Variants in COL22A1 observed in about 807,000 individuals in gnomAD.
COL22A1 encodes the protein collagen type XXII alpha 1 chain, also known as collagen alpha-1(XXII) chain.
COL22A1 carries 221 observed loss-of-function variants against 248.9 expected under a neutral mutation model. The observed-to-expected ratio is 0.89, with a 90% CI of 0.80 to 0.99. The LOEUF (loss-of-function observed/expected upper bound fraction) is 0.99, where lower values mean the gene tolerates loss of function less well. COL22A1 is among the 50% of genes least tolerant of loss of function. COL22A1 has a pLI of 0.00. For missense variants in COL22A1, 2,240 were observed against 2,179.0 expected (o/e 1.03, Z -0.56); for synonymous variants, 891 against 793.4 (o/e 1.12, Z -2.07).
At chr8:138,691,843 GGT>G (rs1229671590) in intron 35 of COL22A1, among the ~76,000 whole-genome samples, 2 of 63,816 alleles carry the variant, frequency 3.1e-5, no homozygotes, top group South Asian at 5.8e-4. Context: ...TGTATGTGGA[GGT>G]GTGTGTGCAC....
At chr8:138,648,714 T>G (rs1822423096) in intron 46 of COL22A1, among the ~76,000 whole-genome samples, 2 of 152,062 alleles carry the variant, frequency 1.3e-5, no homozygotes, top group Admixed American at 6.6e-5. Context: ...TCTCCCCAAG[T>G]TGCAACACTA....
intron 41 of COL22A1, among the ~76,000 whole-genome samples, chr8:138,674,181 C>T (rs936036763): frequency 5.9e-5 from 9 of 152,148 alleles, no homozygotes; most frequent in South Asian, 2.1e-4. Context: ...CCTTAACCAA[C>T]GGATAAAACC....
At chr8:138,708,313 G>T (rs956729268) in intron 30 of COL22A1, among the ~76,000 whole-genome samples, 1 of 152,142 alleles carries the variant, frequency 6.6e-6, no homozygotes, top group Non-Finnish European at 1.5e-5. Flanking sequence ...AACCAAAAAA[G>T]AGCCCACTTT....
chr8:138,784,712 A>T (rs987225822), intron 12 of COL22A1, among the ~76,000 whole-genome samples: 1 of 152,206 alleles, frequency 6.6e-6, no homozygotes, highest in African/African-American at 2.4e-5. Flanking sequence ...GGCACTGAGC[A>T]CTTTACATCC....
chr8:138,904,034 G>A (rs892082405), intron 1 of COL22A1, among the ~76,000 whole-genome samples: 4 of 152,070 alleles, frequency 2.6e-5, no homozygotes, highest in East Asian at 1.9e-4. Context: ...TGTGTTGCAC[G>A]AGAGAAATAT....
intron 60 of COL22A1, 77 bp from the exon 61 acceptor site, chr8:138,598,975 C>A (rs1817768774): frequency 8.9e-6 from 13 of 1,456,814 alleles, no homozygotes; most frequent in South Asian, 1.2e-5. Context: ...AAGGGGTTCC[C>A]CCAGTCTGCC....
chr8:138,703,755 C>G (rs974822768), intron 30 of COL22A1, among the ~76,000 whole-genome samples: 1 of 152,202 alleles, frequency 6.6e-6, no homozygotes, highest in African/African-American at 2.4e-5. Flanking sequence ...GCTGAGGTAC[C>G]AGGTTCATCT....
At chr8:138,882,973 A>G in intron 2 of COL22A1, 109 bp downstream of exon 2, 1 of 996,836 alleles carries the variant, frequency 1.0e-6, no homozygotes, top group Non-Finnish European at 1.4e-6. Flanking sequence ...TCTCTCTCAC[A>G]CAGTCAGTTG....
intron 50 of COL22A1, among the ~76,000 whole-genome samples, chr8:138,629,351 A>T (rs1166096652): frequency 6.6e-6 from 1 of 151,460 alleles, no homozygotes; most frequent in Non-Finnish European, 1.5e-5. Flanking sequence ...GAGGGGTTTC[A>T]TCATGTTGCC....
chr8:138,769,733 A>G (rs1463491447), intron 16 of COL22A1, among the ~76,000 whole-genome samples: 1 of 152,172 alleles, frequency 6.6e-6, no homozygotes, highest in Non-Finnish European at 1.5e-5. Flanking sequence ...GGTACCCAGT[A>G]AATACTTATC....
At chr8:138,618,495 TG>T (rs1466834984) in intron 53 of COL22A1, among the ~76,000 whole-genome samples, 1 of 152,194 alleles carries the variant, frequency 6.6e-6, no homozygotes, top group East Asian at 1.9e-4. Flanking sequence ...TTTAATAAAT[TG>T]ATCACTAGCT....
chr8:138,900,814 A>G lies in COL22A1; in HGVS notation c.-73+12805T>C, dbSNP rs779314406. Among the ~76,000 whole-genome samples the G allele has an allele frequency of 4.8e-3, 733 of 152,336 alleles. 5 individuals carry two copies. The highest frequency in any genetic ancestry group is 8.1e-3 in the Non-Finnish European group (548 of 68,024). ...TGTAGCAGTGTTCCTGCCTCCATCC[A>G]GCTTACTTTCTAGAGAGAGAAGGGA... is the stretch of plus-strand genomic sequence containing the variant. On this transcript the variant is annotated intron_variant, in intron 1 of 64. Coordinates refer to ENST00000303045, the MANE Select transcript of COL22A1 (RefSeq NM_152888.3).
At chr8:138,722,310 G>GT in intron 25 of COL22A1, 1 of 563,582 alleles carries the variant, frequency 1.8e-6, no homozygotes, top group Non-Finnish European at 3.2e-6. Flanking sequence ...TCTGGGCAAT[G>GT]TCTGATTTTC....
chr8:138,592,571 G>A (rs1156629115), intron 63 of COL22A1, among the ~76,000 whole-genome samples: 1 of 152,122 alleles, frequency 6.6e-6, no homozygotes, highest in African/African-American at 2.4e-5. Flanking sequence ...TTTCAAGTAG[G>A]AGAAACATTA....
chr8:138,757,295 T>C (rs1004223418), intron 18 of COL22A1, among the ~76,000 whole-genome samples: 2 of 122,356 alleles, frequency 1.6e-5, no homozygotes, highest in African/African-American at 6.2e-5. Context: ...GAAGACATTC[T>C]GAGCTATACT....
chr8:138,640,036 A>G (rs757318222), intron 47 of COL22A1, among the ~76,000 whole-genome samples: 1 of 152,246 alleles, frequency 6.6e-6, no homozygotes, highest in African/African-American at 2.4e-5. Flanking sequence ...TTATCTTGAC[A>G]ACACGTATGT....
At chr8:138,681,615 T>G (rs375207956) in intron 39 of COL22A1, among the ~76,000 whole-genome samples, 7 of 152,220 alleles carry the variant, frequency 4.6e-5, no homozygotes, top group South Asian at 4.2e-4. Context: ...GTGGAGCCCC[T>G]GAGCACTGCA....
intron 3 of COL22A1, among the ~76,000 whole-genome samples, chr8:138,863,227 G>T (rs1469002521): frequency 1.3e-5 from 2 of 152,186 alleles, no homozygotes; most frequent in Non-Finnish European, 2.9e-5. Flanking sequence ...AAACCTTGTG[G>T]ACCATGGAGC....
intron 10 of COL22A1, among the ~76,000 whole-genome samples, chr8:138,806,275 A>T (rs1348935305): frequency 7.4e-6 from 1 of 134,510 alleles, no homozygotes; most frequent in Non-Finnish European, 1.6e-5. Flanking sequence ...TGTGTGTGAG[A>T]TGGTGTGTTT....
Sources: allele counts gnomAD v4.1 joint callset (sites outside exome capture counted in the v4.1 genomes callset), GRCh38; gene constraint gnomAD v4.1.1; transcripts MANE v1.5; gene names NCBI Gene and HGNC (gene_info 2026-07-23, HGNC 2026-07-21).